AOPEP: variants seen among roughly 807,000 people sequenced by gnomAD.
AOPEP encodes aminopeptidase O (putative).
AOPEP carries 77 observed loss-of-function variants against 98.1 expected under a neutral mutation model. That is an observed-to-expected ratio of 0.78 (90% confidence interval 0.65 to 0.95). The LOEUF (loss-of-function observed/expected upper bound fraction) is 0.95. Ranked by LOEUF, AOPEP falls within the 40% of genes least tolerant of loss-of-function variation. The pLI is 0.00. For synonymous variants in AOPEP, 346 were observed against 365.3 expected, an observed-to-expected ratio of 0.95 and a Z score of 0.60; for missense variants, 1,024 against 1,024.7, an observed-to-expected ratio of 1.00 and a Z score of 0.01.
At chr9:95,107,056 G>A in the AOPEP span, 1 of 1,614,062 alleles carries the variant, frequency 6.2e-7, no homozygotes, top group Non-Finnish European at 8.5e-7. Flanking sequence ...TGGACCACAG[G>A]GAGACTTACC....
intron 5 of AOPEP, among the ~76,000 whole-genome samples, chr9:94,819,946 CTT>C (rs11423201): frequency 9.0e-5 from 11 of 121,580 alleles, no homozygotes; most frequent in Admixed American, 9.4e-5. Context: ...TAGTGCAATT[CTT>C]TTTTTTTTTT....
At chr9:94,791,254 C>T (rs1317341510) in intron 3 of AOPEP, among the ~76,000 whole-genome samples, 4 of 152,096 alleles carry the variant, frequency 2.6e-5, no homozygotes, top group Non-Finnish European at 5.9e-5. Context: ...AAACCAAATA[C>T]TGCATGTTCT....
At chr9:94,911,680 T>C (rs1184639712) in intron 5 of AOPEP, among the ~76,000 whole-genome samples, 1 of 152,218 alleles carries the variant, frequency 6.6e-6, no homozygotes, top group Non-Finnish European at 1.5e-5. Flanking sequence ...ATTTTAAATA[T>C]ATAATACATA....
chr9:94,792,735 T>A (rs368632340), intron 3 of AOPEP, 30 bp from the exon 4 acceptor site: 4 of 1,554,608 alleles, frequency 2.6e-6, no homozygotes, highest in Non-Finnish European at 3.5e-6. Flanking sequence ...TATATTGGCC[T>A]CATTATGGTT....
At chr9:95,046,444 A>G (rs1587779448) in intron 13 of AOPEP, among the ~76,000 whole-genome samples, 1 of 152,228 alleles carries the variant, frequency 6.6e-6, no homozygotes, top group African/African-American at 2.4e-5. Flanking sequence ...TCTCTCATTA[A>G]AGAATGTTTG....
chr9:94,740,587 C>T (rs560078365), intron 1 of AOPEP, among the ~76,000 whole-genome samples: 11 of 152,258 alleles, frequency 7.2e-5, no homozygotes, highest in South Asian at 2.1e-4. Flanking sequence ...TTGCACCCCT[C>T]GAGTTTACTG....
chr9:95,078,256 C>G (rs891401077), intron 14 of AOPEP, among the ~76,000 whole-genome samples: 1 of 152,148 alleles, frequency 6.6e-6, no homozygotes, highest in African/African-American at 2.4e-5. Flanking sequence ...CTGCCGCTGC[C>G]TCCGGCCGCC....
At chr9:95,012,992 G>T (rs556638779) in intron 13 of AOPEP, among the ~76,000 whole-genome samples, 1 of 138,688 alleles carries the variant, frequency 7.2e-6, no homozygotes, top group African/African-American at 2.7e-5. Flanking sequence ...TTTTTTGGGG[G>T]GGGGGGCAGG....
intron 13 of AOPEP, among the ~76,000 whole-genome samples, chr9:95,010,556 G>A (rs2062422544): frequency 1.3e-5 from 2 of 152,178 alleles, no homozygotes; most frequent in South Asian, 2.1e-4. Flanking sequence ...CCAGGCGTTG[G>A]TGCCCTTGCC....
chr9:94,954,772 A>AAGTG (rs1337791811), intron 7 of AOPEP, among the ~76,000 whole-genome samples: 3 of 152,216 alleles, frequency 2.0e-5, no homozygotes, highest in Non-Finnish European at 4.4e-5. Context: ...AAATCCAGAG[A>AAGTG]AGTGGATAAC....
rs751210963 is a variant in AOPEP at position 94,801,002 on chromosome 9, G to A, written c.1364G>A (p.Ser455Asn). The change falls in exon 5 of 17, where the codon AGC (serine) becomes AAC (asparagine). Residue 455 changes from serine to asparagine, a missense_variant and splice_region_variant. Physicochemically the swap from Ser to Asn is conservative, Grantham distance 46. This residue lies in a region of AOPEP where 566 missense variants were observed against 551.7 expected (regional missense o/e 1.03). Coordinates refer to ENST00000375315, the MANE Select transcript of AOPEP (RefSeq NM_001193329.3). The stretch of plus-strand genomic sequence containing the variant: ...AACTTTCCAAGTCTGGGGATGGCCA[G>A]GTATGTTGTTCCATTGTGGCACTTG... Reference protein sequence around the residue: ...PANFPSLGMASPHIMFLSQSI... With the variant: ...PANFPSLGMANPHIMFLSQSI... 1 of 1,613,930 alleles carries A rather than the reference G, an allele frequency of 6.2e-7. No individual in the cohort carries two copies. Among genetic ancestry groups the A allele is most frequent in the South Asian group, 1.1e-5 (1 of 91,080 alleles).
At chr9:95,130,299 TGAGAGAGAGA>T in the AOPEP span, among the ~76,000 whole-genome samples, 2 of 149,276 alleles carry the variant, frequency 1.3e-5, no homozygotes, top group Admixed American at 1.3e-4. Flanking sequence ...TGTGTGTGTG[TGAGAGAGAGA>T]GAGAGAGAGA....
At chr9:95,082,281 G>A (rs1314391255) in intron 15 of AOPEP, among the ~76,000 whole-genome samples, 5 of 152,156 alleles carry the variant, frequency 3.3e-5, no homozygotes, top group Non-Finnish European at 7.3e-5. Flanking sequence ...TTCCTGACAC[G>A]GCCATCATGG....
chr9:95,147,308 G>C, the AOPEP span, among the ~76,000 whole-genome samples: 1 of 152,044 alleles, frequency 6.6e-6, no homozygotes, highest in Non-Finnish European at 1.5e-5. Context: ...ACCTGAGGTC[G>C]GGATTTCGAG....
chr9:94,732,109 C>A (rs374985663), intron 1 of AOPEP, among the ~76,000 whole-genome samples: 3 of 151,960 alleles, frequency 2.0e-5, no homozygotes, highest in Admixed American at 6.6e-5. Flanking sequence ...TTTTATTGTT[C>A]CATATTCGTT....
chr9:94,733,941 G>T (rs570464579), intron 1 of AOPEP, among the ~76,000 whole-genome samples: 62 of 152,302 alleles, frequency 4.1e-4, no homozygotes, highest in African/African-American at 1.4e-3. Flanking sequence ...AGAGAAAGGG[G>T]CACCCATTTG....
At chr9:95,108,617 A>G in the AOPEP span, among the ~76,000 whole-genome samples, 2 of 152,248 alleles carry the variant, frequency 1.3e-5, no homozygotes. Flanking sequence ...CAGGAGAAAG[A>G]TAAAAGCTTT....
chr9:94,931,250 C>T (rs2055249013), intron 7 of AOPEP, among the ~76,000 whole-genome samples: 1 of 152,120 alleles, frequency 6.6e-6, no homozygotes, highest in Non-Finnish European at 1.5e-5. Context: ...GTTGGGAGAA[C>T]AATCTAGTAT....
intron 13 of AOPEP, among the ~76,000 whole-genome samples, chr9:95,012,857 A>G (rs2062642527): frequency 6.6e-6 from 1 of 152,010 alleles, no homozygotes; most frequent in South Asian, 2.1e-4. Flanking sequence ...TTTATTTTAT[A>G]AACTCATACC....
Sources: gnomAD v4.1 joint callset for allele counts (sites outside exome capture counted in the v4.1 genomes callset) on GRCh38, gnomAD v4.1.1 for gene constraint, gnomAD v4.1.1 regional missense constraint, MANE v1.5 for transcripts, NCBI Gene and HGNC (gene_info 2026-07-23, HGNC 2026-07-21) for gene names.